SETD5: variants seen among roughly 807,000 people sequenced by gnomAD.
SETD5 encodes the protein SET domain containing 5.
A neutral mutation model predicts 153.3 loss-of-function variants in SETD5; 44 were observed. The observed-to-expected ratio is 0.29, with a 90% CI of 0.23 to 0.37. The LOEUF (loss-of-function observed/expected upper bound fraction) is 0.37. Ranked by LOEUF, SETD5 falls within the 10% of genes least tolerant of loss-of-function variation. The probability of loss-of-function intolerance (pLI) is 1.00; values close to 1 mark genes in which losing one functional copy is unlikely to be tolerated. For synonymous variants in SETD5, 716 were observed against 645.2 expected (o/e 1.11, Z -1.66); for missense variants, 1,544 against 1,768.0 (o/e 0.87, Z 2.27).
At chr3:9,415,354 TATATA>T (rs925227232) in intron 1 of SETD5, among the ~76,000 whole-genome samples, 3 of 152,114 alleles carry the variant, frequency 2.0e-5, no homozygotes, top group African/African-American at 4.8e-5. Context: ...GTTTTTGTAA[TATATA>T]AGTTAAATAT....
At chr3:9,406,793 A>G (rs1331144588) in intron 1 of SETD5, among the ~76,000 whole-genome samples, 1 of 152,184 alleles carries the variant, frequency 6.6e-6, no homozygotes, top group African/African-American at 2.4e-5. Flanking sequence ...ACATTTTAGG[A>G]TGGAGCTAAA....
chr3:9,470,389 C>G, intron 18 of SETD5, 70 bp from the exon 19 acceptor site: 1 of 1,157,468 alleles, frequency 8.6e-7, no homozygotes, highest in South Asian at 1.4e-5. Flanking sequence ...GTCCCTCTCC[C>G]CTCCTTTCTG....
chr3:9,401,767 C>T (rs1226983574), intron 1 of SETD5, among the ~76,000 whole-genome samples: 1 of 152,104 alleles, frequency 6.6e-6, no homozygotes, highest in Non-Finnish European at 1.5e-5. Flanking sequence ...TCTGGTGATT[C>T]ATCAGTTTAA....
At chr3:9,462,213 T>C (rs2044035815) in intron 17 of SETD5, among the ~76,000 whole-genome samples, 1 of 152,128 alleles carries the variant, frequency 6.6e-6, no homozygotes, top group Non-Finnish European at 1.5e-5. Context: ...GCCCAAAAAT[T>C]TTCCTTGAAG....
chr3:9,473,625 T>C (rs968349246), intron 20 of SETD5, 88 bp downstream of exon 20: 5 of 1,323,590 alleles, frequency 3.8e-6, no homozygotes, highest in Middle Eastern at 2.2e-4. Context: ...CTAAAATCTA[T>C]GGGAACACTT....
At chr3:9,471,440 C>T (rs1252542080) in intron 19 of SETD5, among the ~76,000 whole-genome samples, 1 of 152,180 alleles carries the variant, frequency 6.6e-6, no homozygotes, top group Admixed American at 6.5e-5. Flanking sequence ...AAGTAGGAGT[C>T]AGCCAACCAA....
Position 9,475,163 on chromosome 3 carries a change from T to C in SETD5, c.3720+7T>C, listed in dbSNP as rs1397047064. 9 of 1,572,250 alleles carry C rather than the reference T, an allele frequency of 5.7e-6. No homozygotes were observed. Among genetic ancestry groups the C allele is most frequent in the Non-Finnish European group, 7.8e-6 (9 of 1,158,474 alleles). ...TTCCAGATACAGCTACCAGGTGAGA[T>C]GAGAAATTGCTGGTCTCTAGCCATA... On this transcript the variant is annotated splice_region_variant and intron_variant, in intron 22 of 22. Coordinates refer to ENST00000402198, the MANE Select transcript of SETD5 (RefSeq NM_001080517.3).
chr3:9,425,602 G>T (rs1285376609), intron 2 of SETD5, among the ~76,000 whole-genome samples: 7 of 127,046 alleles, frequency 5.5e-5, no homozygotes, highest in Non-Finnish European at 8.1e-5. Context: ...TTTGGAGAAA[G>T]AGTTTCACTT....
intron 1 of SETD5, among the ~76,000 whole-genome samples, chr3:9,418,250 C>A (rs920730173): frequency 6.6e-6 from 1 of 152,154 alleles, no homozygotes; most frequent in Non-Finnish European, 1.5e-5. Context: ...TGAAACGAAG[C>A]ACTCAAATCT....
rs79079403 is a variant in SETD5 at position 9,423,708 on chromosome 3, G to A, written c.-176-759G>A. Reference sequence around the variant, plus strand: ...CATAAAACATCAACATAAATGAAATGCATGCGTTCTAATGCTTGGTAACTG... The same window carrying A: ...CATAAAACATCAACATAAATGAAATACATGCGTTCTAATGCTTGGTAACTG... On this transcript the variant is annotated intron_variant, in intron 1 of 22. Coordinates refer to ENST00000402198, the MANE Select transcript of SETD5 (RefSeq NM_001080517.3). Among the ~76,000 whole-genome samples the A allele has an allele frequency of 9.7e-4, 148 of 152,188 alleles. 5 individuals carry two copies. The East Asian group carries it at 0.026, about 27-fold the overall frequency.
At chr3:9,427,939 G>A (rs1296712117) in intron 2 of SETD5, among the ~76,000 whole-genome samples, 2 of 152,048 alleles carry the variant, frequency 1.3e-5, no homozygotes, top group African/African-American at 4.8e-5. Flanking sequence ...GCTTTCACTG[G>A]TTTATGGTCA....
intron 17 of SETD5, among the ~76,000 whole-genome samples, chr3:9,463,094 G>A (rs1273170347): frequency 1.3e-5 from 2 of 151,962 alleles, no homozygotes; most frequent in Admixed American, 6.6e-5. Flanking sequence ...GTCTCAACTC[G>A]CTGCAACCTC....
At chr3:9,462,527 C>T (rs527664765) in intron 17 of SETD5, among the ~76,000 whole-genome samples, 1 of 147,926 alleles carries the variant, frequency 6.8e-6, no homozygotes, top group Admixed American at 6.9e-5. Context: ...GCGGACCTTG[C>T]AGTGAGCCGA....
At chr3:9,464,854 C>T in intron 18 of SETD5, 182 bp downstream of exon 18, 1 of 820,792 alleles carries the variant, frequency 1.2e-6, no homozygotes, top group Non-Finnish European at 1.9e-6. Flanking sequence ...CTTGGCAGCC[C>T]CTATGCTTCC....
At chr3:9,433,713 C>T in intron 3 of SETD5, 132 bp from the exon 4 acceptor site, 1 of 980,440 alleles carries the variant, frequency 1.0e-6, no homozygotes, top group Non-Finnish European at 1.5e-6. Flanking sequence ...AAGATTGTTT[C>T]ACCGAGTTCT....
In SETD5 at chr3:9,445,750, G is replaced by A. The variant is rs199666469; in HGVS notation, c.1524+10G>A. The A allele has an allele frequency of 5.0e-6, 8 of 1,591,252 alleles. No homozygotes were observed. Among genetic ancestry groups the A allele is most frequent in the South Asian group, 2.3e-5 (2 of 87,104 alleles). ...AGCTCATAGCAGGAGGGTGAGTACTGTCTGACATTACTTTGCTCCTTCTCA... is the reference window on the plus strand; with the variant it reads ...AGCTCATAGCAGGAGGGTGAGTACTATCTGACATTACTTTGCTCCTTCTCA... On this transcript the variant is annotated intron_variant, in intron 13 of 22. Transcript: ENST00000402198.
intron 3 of SETD5, among the ~76,000 whole-genome samples, chr3:9,432,957 C>G (rs2040144435): frequency 6.6e-6 from 1 of 152,146 alleles, no homozygotes; most frequent in Admixed American, 6.5e-5. Flanking sequence ...GTCAGACAGA[C>G]TTTGTTTCAA....
rs368479184 is a variant in SETD5 at position 9,438,495 on chromosome 3, G to A, written c.568-1961G>A. On this transcript the variant is annotated intron_variant, in intron 7 of 22. Transcript: ENST00000402198. ...CATATTTTGCTTACAGTTTTGGGAG[G>A]TTGACAGCCTCACAGGTGTGTTAAA... Among the ~76,000 whole-genome samples, 8 of 152,160 alleles carry A rather than the reference G, an allele frequency of 5.3e-5. No homozygotes were observed. In the East Asian group the frequency reaches 1.2e-3, roughly 22 times the overall value.
At chr3:9,427,266 C>T (rs530284156) in intron 2 of SETD5, among the ~76,000 whole-genome samples, 3 of 152,060 alleles carry the variant, frequency 2.0e-5, no homozygotes, top group African/African-American at 7.2e-5. Context: ...TTACATTAAC[C>T]GGCCAGGCAC....
Sources: allele counts gnomAD v4.1 joint callset (sites outside exome capture counted in the v4.1 genomes callset), GRCh38; gene constraint gnomAD v4.1.1; transcripts MANE v1.5; gene names NCBI Gene and HGNC (gene_info 2026-07-23, HGNC 2026-07-21).